Variants in GRIA1 observed in about 807,000 individuals in gnomAD.
The protein encoded by GRIA1 is glutamate ionotropic receptor AMPA type subunit 1.
In GRIA1, 31 loss-of-function variants were observed where a neutral mutation model predicts 99.2. The observed-to-expected ratio is 0.31, with a 90% confidence interval of 0.23 to 0.42. GRIA1 has a LOEUF of 0.42. GRIA1 is among the 10% of genes least tolerant of loss of function. GRIA1 has a pLI of 1.00. For synonymous variants in GRIA1, 438 were observed against 432.4 expected (o/e 1.01, Z -0.16); for missense variants, 782 against 1,157.5 (o/e 0.68, Z 4.71).
chr5:153,642,882 T>C (rs1467651896), intron 2 of GRIA1, among the ~76,000 whole-genome samples: 1 of 152,168 alleles, frequency 6.6e-6, no homozygotes, highest in Non-Finnish European at 1.5e-5. Flanking sequence ...CTCTACTGGG[T>C]AACTTATTCA....
At chr5:153,609,479 T>C (rs1765769267) in intron 2 of GRIA1, among the ~76,000 whole-genome samples, 1 of 151,704 alleles carries the variant, frequency 6.6e-6, no homozygotes, top group African/African-American at 2.4e-5. Context: ...GAATACATTC[T>C]CCCACAATGT....
intron 2 of GRIA1, among the ~76,000 whole-genome samples, chr5:153,521,377 C>T (rs1464979296): frequency 6.6e-6 from 1 of 152,250 alleles, no homozygotes; most frequent in Non-Finnish European, 1.5e-5. Context: ...CTGCAGATTC[C>T]AATGGCCTCT....
intron 13 of GRIA1, among the ~76,000 whole-genome samples, chr5:153,777,485 A>G (rs1764333272): frequency 6.6e-6 from 1 of 152,044 alleles, no homozygotes; most frequent in South Asian, 2.1e-4. Flanking sequence ...TTGGAATAAT[A>G]ATTTTGTGCA....
chr5:153,706,190 T>C (rs1226046644), intron 11 of GRIA1, 123 bp downstream of exon 11: 1 of 949,154 alleles, frequency 1.1e-6, no homozygotes, highest in Non-Finnish European at 1.6e-6. Context: ...TATTCAGTTT[T>C]TCAACTATTC....
chr5:153,687,453 A>G (rs1183040661), intron 8 of GRIA1, among the ~76,000 whole-genome samples: 4 of 152,128 alleles, frequency 2.6e-5, no homozygotes, highest in Admixed American at 2.6e-4. Flanking sequence ...CAGAAGTTCT[A>G]AGTACTGGAA....
intron 1 of GRIA1, among the ~76,000 whole-genome samples, chr5:153,493,533 G>C (rs553698081): frequency 8.7e-4 from 132 of 152,252 alleles, no homozygotes; most frequent in Non-Finnish European, 1.2e-3. Context: ...AGATGAGGCT[G>C]ATGTAAGAAA....
At chr5:153,664,613 T>C (rs1158533231) in intron 5 of GRIA1, among the ~76,000 whole-genome samples, 2 of 152,128 alleles carry the variant, frequency 1.3e-5, no homozygotes, top group African/African-American at 2.4e-5. Context: ...ACTTGTGTAA[T>C]ATTGGCCTTT....
intron 11 of GRIA1, among the ~76,000 whole-genome samples, chr5:153,713,900 G>A (rs1375739899): frequency 6.6e-6 from 1 of 152,108 alleles, no homozygotes; most frequent in African/African-American, 2.4e-5. Context: ...ATTGTTCAAG[G>A]TACTGTGAGA....
intron 1 of GRIA1, chr5:153,491,420 C>A: frequency 1.9e-6 from 1 of 539,542 alleles, no homozygotes; most frequent in Non-Finnish European, 2.4e-6. Flanking sequence ...GCAGTGCTTT[C>A]TCTGCTGGGG....
At chr5:153,739,365 G>A (rs1761621772) in intron 11 of GRIA1, among the ~76,000 whole-genome samples, 1 of 152,126 alleles carries the variant, frequency 6.6e-6, no homozygotes, top group African/African-American at 2.4e-5. Flanking sequence ...TCATTCTTCA[G>A]GTCTCAGCTT....
At chr5:153,599,391 G>A (rs1418408638) in intron 2 of GRIA1, among the ~76,000 whole-genome samples, 5 of 152,050 alleles carry the variant, frequency 3.3e-5, no homozygotes, top group Non-Finnish European at 7.4e-5. Context: ...ATGGCACTTA[G>A]ACAGTACAGC....
At chr5:153,653,137 C>A (rs1373453364) in intron 4 of GRIA1, among the ~76,000 whole-genome samples, 2 of 152,174 alleles carry the variant, frequency 1.3e-5, no homozygotes, top group Non-Finnish European at 2.9e-5. Context: ...TTGGATAGTG[C>A]TTGACACCAA....
intron 4 of GRIA1, among the ~76,000 whole-genome samples, chr5:153,652,763 T>A (rs1754668129): frequency 6.6e-6 from 1 of 152,224 alleles, no homozygotes; most frequent in Non-Finnish European, 1.5e-5. Context: ...TTGCTTATGC[T>A]TACATTTTAT....
chr5:153,805,454 C>A (rs1269872954), intron 15 of GRIA1, among the ~76,000 whole-genome samples: 1 of 149,854 alleles, frequency 6.7e-6, no homozygotes, highest in African/African-American at 2.5e-5. Flanking sequence ...TTAGTTAAAG[C>A]AAGTATTGCC....
rs70978504 is a variant in GRIA1, at chr5:153,701,619, C to CAAAAAAAAAAAAAAAAAAA, written c.1452+2551_1452+2569dup. 2.9e-3 allele frequency among the ~76,000 whole-genome samples: 114 copies of CAAAAAAAAAAAAAAAAAAA among 39,384 alleles called. 17 individuals carry two copies. The highest frequency in any genetic ancestry group is 9.3e-3 in the East Asian group (5 of 540). 25.8% of individuals were successfully genotyped at this position (39,384 alleles called of 152,430 possible). On this transcript the variant is annotated intron_variant, in intron 10 of 15. Coordinates refer to ENST00000285900, the MANE Select transcript of GRIA1 (RefSeq NM_000827.4). ...CTGGGCGACAAAGCGAGACCCGTCTCAAAAAAAAAAAAAAAAAAAAAAATA... is the reference window on the plus strand; with the variant it reads ...CTGGGCGACAAAGCGAGACCCGTCTCAAAAAAAAAAAAAAAAAAAAAAAAAAAAAAAAAAAAAAAAAATA...
intron 2 of GRIA1, among the ~76,000 whole-genome samples, chr5:153,589,933 T>G (rs1226244102): frequency 6.6e-6 from 1 of 152,188 alleles, no homozygotes; most frequent in Non-Finnish European, 1.5e-5. Context: ...TCAATGTGAT[T>G]GCACAGTACT....
intron 10 of GRIA1, among the ~76,000 whole-genome samples, chr5:153,699,708 T>A (rs1296884229): frequency 1.3e-5 from 2 of 152,232 alleles, no homozygotes; most frequent in Non-Finnish European, 2.9e-5. Flanking sequence ...TGGTTTACCC[T>A]GCCTTATATA....
chr5:153,651,823 G>A (rs750454365), intron 4 of GRIA1, among the ~76,000 whole-genome samples: 3 of 152,188 alleles, frequency 2.0e-5, no homozygotes, highest in Non-Finnish European at 2.9e-5. Context: ...TCAGGGATTT[G>A]AATTGCAGTT....
At chr5:153,721,390 G>A (rs973313663) in intron 11 of GRIA1, among the ~76,000 whole-genome samples, 2 of 151,994 alleles carry the variant, frequency 1.3e-5, no homozygotes, top group African/African-American at 4.8e-5. Context: ...AAATAAATAA[G>A]ACACGAATTA....
Sources: allele counts gnomAD v4.1 joint callset (sites outside exome capture counted in the v4.1 genomes callset), GRCh38; gene constraint gnomAD v4.1.1; transcripts MANE v1.5; gene names NCBI Gene and HGNC (gene_info 2026-07-23, HGNC 2026-07-21).